FOXN3: variants seen among roughly 807,000 people sequenced by gnomAD.
FOXN3 encodes the protein forkhead box N3.
Under a neutral mutation model 38.4 loss-of-function variants are expected in FOXN3, and 7 were observed. That is an observed-to-expected ratio of 0.18 (90% confidence interval 0.10 to 0.34). The LOEUF is 0.34. Among genes scored for constraint, FOXN3 ranks in the 10% least tolerant of loss-of-function variants. FOXN3 has a pLI of 1.00. For missense variants in FOXN3, 456 were observed against 613.4 expected, an observed-to-expected ratio of 0.74 and a Z score of 2.71; for synonymous variants, 230 against 242.2, an observed-to-expected ratio of 0.95 and a Z score of 0.47.
chr14:89,436,541 C>T (rs1596272833), intron 1 of FOXN3, among the ~76,000 whole-genome samples: 5 of 152,192 alleles, frequency 3.3e-5, no homozygotes, highest in Admixed American at 2.6e-4. Flanking sequence ...CTGACCCCAT[C>T]GTCTGCGCCA....
rs924651405 is a variant in FOXN3 at position 89,528,045 on chromosome 14, A to G, written c.-15+90983T>C. On this transcript the variant is annotated intron_variant, in intron 1 of 6. Transcript: ENST00000345097. ...TTAGCAAAGATGTGAAGCAACTGGAACTCTCATACCCTGCTGGTAGAAATG... is the reference window on the plus strand; with the variant it reads ...TTAGCAAAGATGTGAAGCAACTGGAGCTCTCATACCCTGCTGGTAGAAATG... Among the ~76,000 whole-genome samples the G allele has an allele frequency of 2.3e-4, 35 of 152,144 alleles. 1 individual carries two copies. The highest frequency in any genetic ancestry group is 7.2e-4 in the African/African-American group (30 of 41,426).
chr14:89,162,879 G>C lies in FOXN3; in HGVS notation c.942C>G (p.Asn314Lys), dbSNP rs1345221980. The C allele has an allele frequency of 5.0e-6, 8 of 1,611,680 alleles. No homozygotes were observed. The highest frequency in any genetic ancestry group is 6.8e-6 in the Non-Finnish European group (8 of 1,179,784). The part of the protein sequence containing the change: ...VVSGDPKEDH[N>K]YSSAKSSNAR... ...CGTTGGAGGACTTGGCACTGCTGTAGTTGTGATCCTCCTTGGGGTCTCCGC... is the reference window on the plus strand; with the variant it reads ...CGTTGGAGGACTTGGCACTGCTGTACTTGTGATCCTCCTTGGGGTCTCCGC... Residue 314 changes from asparagine (N) to lysine (K), a missense_variant, in exon 6 of 6, where the codon AAC (asparagine) becomes AAG (lysine). Around this residue, in one of 3 missense-constraint regions of FOXN3, gnomAD observed 386 missense variants for 505.2 expected, o/e 0.76. Transcript: ENST00000557258. The surrounding 1 kb of genome is among the most constrained non-coding windows in gnomAD (Gnocchi z 7.2).
At position 89,225,228 on chromosome 14, in the gene FOXN3, C is replaced by T. The variant is rs73321298; in HGVS notation, c.746-44422G>A. On this transcript the variant is annotated intron_variant, in intron 4 of 5. Coordinates refer to ENST00000557258, the MANE Select transcript of FOXN3 (RefSeq NM_005197.4). ...GCTGAGGTAGGAGGATCACTTGGAC[C>T]CAAGAGTTCGAAGCTGCAGTGAGAT... Among the ~76,000 whole-genome samples the T allele has an allele frequency of 4.4e-4, 67 of 151,968 alleles. 1 individual carries two copies. The highest frequency in any genetic ancestry group is 1.5e-3 in the African/African-American group (64 of 41,434).
At chr14:89,603,704 A>G (rs1329748207) in intron 1 of FOXN3, among the ~76,000 whole-genome samples, 1 of 152,248 alleles carries the variant, frequency 6.6e-6, no homozygotes, top group East Asian at 1.9e-4. Context: ...AAATTGTTTG[A>G]AACATATTCA....
intron 1 of FOXN3, among the ~76,000 whole-genome samples, chr14:89,506,935 G>C (rs557283977): frequency 3.3e-5 from 5 of 152,160 alleles, no homozygotes; most frequent in African/African-American, 9.6e-5. Context: ...CAGCATGCTC[G>C]TTAAGAGTCA....
intron 2 of FOXN3, among the ~76,000 whole-genome samples, chr14:89,400,446 C>T (rs1253379745): frequency 3.3e-5 from 5 of 152,072 alleles, no homozygotes; most frequent in Non-Finnish European, 7.4e-5. Context: ...CTTAGATGTC[C>T]GCAAACCATC....
rs571653778 is a variant in FOXN3, at chr14:89,594,208, T to C, written c.-15+24820A>G. Reference sequence around the variant, plus strand: ...TTTTGGGTACATATGTATTCACTTTTCCATTGTGCCTGTACATCAGGATAG... The same window carrying C: ...TTTTGGGTACATATGTATTCACTTTCCCATTGTGCCTGTACATCAGGATAG... On this transcript the variant is annotated intron_variant, in intron 1 of 6. Transcript: ENST00000345097. 2.0e-5 allele frequency among the ~76,000 whole-genome samples: 3 copies of C among 152,374 alleles called. No individual in the cohort carries two copies. The East Asian group carries it at 5.8e-4, about 29-fold the overall frequency.
chr14:89,156,556 T>C lies in FOXN3; in HGVS notation c.*5858A>G, dbSNP rs1312301755. 4.6e-5 allele frequency: 7 copies of C among 152,206 alleles called. No individual in the cohort carries two copies. Among genetic ancestry groups the C allele is most frequent in the Admixed American group, 3.9e-4 (6 of 15,266 alleles). 9.4% of individuals were successfully genotyped at this position (152,206 alleles called of 1,614,324 possible). On this transcript the variant is annotated 3_prime_UTR_variant, in exon 6 of 6. Transcript: ENST00000557258. ...TTACTCTCGTAAATTAATTTGGCCGTGTAGGTCTATTGGCCAGCCAAGGTC... is the reference window on the plus strand; with the variant it reads ...TTACTCTCGTAAATTAATTTGGCCGCGTAGGTCTATTGGCCAGCCAAGGTC...
chr14:89,462,329 GA>G (rs1278227285), intron 1 of FOXN3, among the ~76,000 whole-genome samples: 1 of 152,174 alleles, frequency 6.6e-6, no homozygotes, highest in Non-Finnish European at 1.5e-5. Context: ...ACCTCACCAG[GA>G]GCATATCATT....
At chr14:89,400,886 A>G (rs1176966826) in intron 2 of FOXN3, among the ~76,000 whole-genome samples, 4 of 152,110 alleles carry the variant, frequency 2.6e-5, no homozygotes, top group Non-Finnish European at 5.9e-5. Flanking sequence ...ATGTAACACA[A>G]TCTGGTACAT....
At chr14:89,449,465 G>GTT (rs1176026172) in intron 1 of FOXN3, among the ~76,000 whole-genome samples, 1 of 152,174 alleles carries the variant, frequency 6.6e-6, no homozygotes, top group Non-Finnish European at 1.5e-5. Context: ...CCAAGCCCAT[G>GTT]TTCACATTTA....
At chr14:89,460,061 C>T (rs536622932) in intron 1 of FOXN3, among the ~76,000 whole-genome samples, 40 of 152,270 alleles carry the variant, frequency 2.6e-4, no homozygotes, top group Admixed American at 2.1e-3. Context: ...TGGAGTTCAC[C>T]GTTCACTTTC....
intron 4 of FOXN3, among the ~76,000 whole-genome samples, chr14:89,253,053 T>C (rs1433513965): frequency 6.6e-6 from 1 of 152,108 alleles, no homozygotes; most frequent in Non-Finnish European, 1.5e-5. Flanking sequence ...CTGATCCTGG[T>C]GGACTGTGCC....
chr14:89,197,753 A>G (rs1888135302), intron 4 of FOXN3, among the ~76,000 whole-genome samples: 1 of 152,204 alleles, frequency 6.6e-6, no homozygotes, highest in African/African-American at 2.4e-5. Flanking sequence ...GAACCCCAGA[A>G]AACCAAACAT....
intron 1 of FOXN3, among the ~76,000 whole-genome samples, chr14:89,415,846 C>CCACACACACACA (rs1891687068): frequency 2.1e-5 from 1 of 47,498 alleles, no homozygotes; most frequent in African/African-American, 8.6e-5. Flanking sequence ...CAACTTTTCT[C>CCACACACACACA]TACACACACA....
intron 1 of FOXN3, among the ~76,000 whole-genome samples, chr14:89,585,946 T>A (rs1895832594): frequency 6.6e-6 from 1 of 151,970 alleles, no homozygotes; most frequent in Admixed American, 6.6e-5. Context: ...AATAGGGTAG[T>A]CAGGGTAGGT....
intron 2 of FOXN3, among the ~76,000 whole-genome samples, chr14:89,383,330 G>A (rs1448589382): frequency 6.6e-6 from 1 of 152,096 alleles, no homozygotes; most frequent in Non-Finnish European, 1.5e-5. Context: ...ACATGAAGAG[G>A]GACACACTAG....
intron 2 of FOXN3, among the ~76,000 whole-genome samples, chr14:89,384,108 G>A (rs1349823074): frequency 6.6e-6 from 1 of 152,192 alleles, no homozygotes; most frequent in Non-Finnish European, 1.5e-5. Flanking sequence ...AACCTCAAAG[G>A]TAACCTTTTC....
intron 1 of FOXN3, among the ~76,000 whole-genome samples, chr14:89,572,046 T>G (rs1895507636): frequency 6.6e-6 from 1 of 152,226 alleles, no homozygotes; most frequent in Non-Finnish European, 1.5e-5. Context: ...AAATTAGAAG[T>G]AGAGTTTTGA....
Sources: allele counts gnomAD v4.1 joint callset (sites outside exome capture counted in the v4.1 genomes callset), GRCh38; gene constraint gnomAD v4.1.1; regional missense constraint gnomAD v4.1.1; non-coding constraint Gnocchi (gnomAD v3.1); transcripts MANE v1.5; gene names NCBI Gene and HGNC (gene_info 2026-07-23, HGNC 2026-07-21).